MAPRE2: variants seen among roughly 807,000 people sequenced by gnomAD.
The protein encoded by MAPRE2 is microtubule-associated protein RP/EB family member 2.
A neutral mutation model predicts 43.2 loss-of-function variants in MAPRE2; 13 were observed. That is an observed-to-expected ratio of 0.30 (90% CI 0.20 to 0.48). The LOEUF (loss-of-function observed/expected upper bound fraction) is 0.48, where lower values mean the gene tolerates loss of function less well. MAPRE2 is among the 20% of genes least tolerant of loss of function. The probability of loss-of-function intolerance (pLI) is 0.99; values close to 1 mark genes in which losing one functional copy is unlikely to be tolerated. For synonymous variants in MAPRE2, 135 were observed against 148.8 expected (o/e 0.91, Z 0.68); for missense variants, 161 against 400.2 (o/e 0.40, Z 5.10).
At position 35,004,875 on chromosome 18, in the gene MAPRE2, G is replaced by A. The variant is rs148739910; in HGVS notation, c.-69-617G>A. On this transcript the variant is annotated intron_variant, in intron 1 of 7. Transcript: ENST00000413393. ...AGAGCCTGCAGTGAGCCGAGATCGC[G>A]CCACTGCACTCCAGCCTGGGCGACA... Among the ~76,000 whole-genome samples the A allele has an allele frequency of 3.8e-3, 569 of 148,952 alleles. 3 individuals are homozygous for A. Among genetic ancestry groups the A allele is most frequent in the African/African-American group, 0.014 (552 of 40,364 alleles).
At position 35,089,722 on chromosome 18, in the gene MAPRE2, A is replaced by T. The variant is rs1908052764; in HGVS notation, c.251-7724A>T. ...TAAAATAGTACACCTGCTTTGGAAA[A>T]CAGTGTGATAGTTTTTCAAATTGTT... On this transcript the variant is annotated intron_variant, in intron 2 of 6. Coordinates refer to ENST00000300249, the MANE Select transcript of MAPRE2 (RefSeq NM_014268.4). Among the ~76,000 whole-genome samples, 4 of 152,186 alleles carry T rather than the reference A, an allele frequency of 2.6e-5. No individual in the cohort carries two copies. In the South Asian group the frequency reaches 8.3e-4, roughly 32 times the overall value.
intron 2 of MAPRE2, among the ~76,000 whole-genome samples, chr18:35,090,668 G>T (rs1357448196): frequency 6.6e-6 from 1 of 151,004 alleles, no homozygotes; most frequent in East Asian, 1.9e-4. Flanking sequence ...GGAGGCAGAG[G>T]TTGCAGTGAG....
chr18:35,069,273 T>C lies in MAPRE2; in HGVS notation c.123-922T>C, dbSNP rs190530328. On this transcript the variant is annotated intron_variant, in intron 1 of 6. Coordinates refer to ENST00000300249, the MANE Select transcript of MAPRE2 (RefSeq NM_014268.4). Reference sequence around the variant, plus strand: ...TCAAAGAATCATAATGTATGAACCTTATATGAATCCAGATTCAAGCAATCT... The same window carrying C: ...TCAAAGAATCATAATGTATGAACCTCATATGAATCCAGATTCAAGCAATCT... 6.3e-3 allele frequency among the ~76,000 whole-genome samples: 967 copies of C among 152,322 alleles called. 8 individuals carry two copies. Among genetic ancestry groups the C allele is most frequent in the African/African-American group, 0.022 (931 of 41,576 alleles).
chr18:35,034,173 C>A (rs1444214169), intron 2 of MAPRE2, among the ~76,000 whole-genome samples: 1 of 151,770 alleles, frequency 6.6e-6, no homozygotes, highest in East Asian at 1.9e-4. Flanking sequence ...AGATATAGAT[C>A]AATGGAACAG....
chr18:35,053,168 T>C (rs1449508578), intron 1 of MAPRE2, among the ~76,000 whole-genome samples: 1 of 151,884 alleles, frequency 6.6e-6, no homozygotes. Context: ...CTGAGGTGGG[T>C]GGATCACTTG....
chr18:35,076,869 T>G (rs1907383216), intron 2 of MAPRE2, among the ~76,000 whole-genome samples: 1 of 152,188 alleles, frequency 6.6e-6, no homozygotes, highest in South Asian at 2.1e-4. Flanking sequence ...GATAACTGCT[T>G]GGGTCTCTAA....
At chr18:35,099,903 T>G (rs1382119255) in intron 3 of MAPRE2, among the ~76,000 whole-genome samples, 1 of 152,260 alleles carries the variant, frequency 6.6e-6, no homozygotes, top group Non-Finnish European at 1.5e-5. Flanking sequence ...AGTTGCTTTT[T>G]TCTTCCAAAT....
At chr18:35,130,418 G>T (rs1296433113) in intron 5 of MAPRE2, among the ~76,000 whole-genome samples, 8 of 152,150 alleles carry the variant, frequency 5.3e-5, no homozygotes, top group Non-Finnish European at 1.2e-4. Context: ...GCCACATGGG[G>T]GTGTCAGTGA....
chr18:35,069,388 T>TAA (rs11410396), intron 1 of MAPRE2, among the ~76,000 whole-genome samples: 2 of 146,868 alleles, frequency 1.4e-5, no homozygotes, highest in Non-Finnish European at 2.9e-5. Context: ...TCTGTTTTTT[T>TAA]TAAAAATTAT....
At chr18:34,998,378 G>C (rs2097027593) in intron 1 of MAPRE2, among the ~76,000 whole-genome samples, 1 of 145,244 alleles carries the variant, frequency 6.9e-6, no homozygotes, top group Non-Finnish European at 1.5e-5. Context: ...CCAGGCTGGA[G>C]TGCAGTGGCG....
At chr18:35,097,649 A>G in intron 3 of MAPRE2, 58 bp downstream of exon 3, 8 of 1,505,382 alleles carry the variant, frequency 5.3e-6, no homozygotes, top group East Asian at 2.3e-5. Context: ...GTTTTTGTGC[A>G]TAAATGCAAA....
chr18:35,123,257 T>C (rs1909768309), intron 4 of MAPRE2, among the ~76,000 whole-genome samples: 1 of 152,220 alleles, frequency 6.6e-6, no homozygotes, highest in African/African-American at 2.4e-5. Context: ...GTGGTAGCCC[T>C]TTATTGTAAG....
chr18:35,083,829 A>G (rs1194940702), intron 2 of MAPRE2, among the ~76,000 whole-genome samples: 2 of 152,234 alleles, frequency 1.3e-5, no homozygotes, highest in Non-Finnish European at 2.9e-5. Flanking sequence ...TCTAAAATTT[A>G]CTTTTTAATA....
rs116392275 is a variant in MAPRE2, at chr18:35,140,613, A to G, written c.*244A>G. On this transcript the variant is annotated 3_prime_UTR_variant, in exon 7 of 7. Transcript: ENST00000300249. ...AGGGTCACATACATCCAACTTCACC[A>G]CTTGGCTGCTTGAGATTGGTTCTGC... 3.6e-3 allele frequency: 1,705 copies of G among 474,562 alleles called. 20 individuals are homozygous for G. The highest frequency in any genetic ancestry group is 0.03 in the African/African-American group (1,561 of 52,048). 29.4% of individuals were successfully genotyped at this position (474,562 alleles called of 1,614,324 possible).
At chr18:35,134,703 G>A (rs913463563) in intron 6 of MAPRE2, among the ~76,000 whole-genome samples, 7 of 152,142 alleles carry the variant, frequency 4.6e-5, no homozygotes, top group East Asian at 3.9e-4. Context: ...AAATTTTTAC[G>A]TGGGTTTTCT....
intron 2 of MAPRE2, among the ~76,000 whole-genome samples, chr18:35,091,345 G>A (rs919109330): frequency 3.6e-4 from 55 of 152,098 alleles, no homozygotes; most frequent in Non-Finnish European, 6.0e-4. Flanking sequence ...AAGCATAAAC[G>A]ATTTTCATGT....
rs182289765 is a variant in MAPRE2, at chr18:35,135,290, G to A, written c.909+3100G>A. Among the ~76,000 whole-genome samples the A allele has an allele frequency of 1.5e-3, 221 of 152,256 alleles. 2 individuals are homozygous for A. Among genetic ancestry groups the A allele is most frequent in the African/African-American group, 4.7e-3 (195 of 41,548 alleles). On this transcript the variant is annotated intron_variant, in intron 6 of 6. Transcript: ENST00000300249. ...GTTTTTATGCAGAAAGAAAAGGAAG[G>A]CTGCAGTGGGCCTGGATGCCGTGCT...
At chr18:35,038,902 G>C (rs1021028223), upstream of MAPRE2, among the ~76,000 whole-genome samples, 15 of 152,216 alleles carry the variant, frequency 9.9e-5, no homozygotes, top group African/African-American at 3.6e-4. Context: ...GAAGATTTAC[G>C]CGGCCCTTGG....
At chr18:35,014,508 A>G (rs995509944) in intron 2 of MAPRE2, among the ~76,000 whole-genome samples, 6 of 151,932 alleles carry the variant, frequency 3.9e-5, no homozygotes, top group Admixed American at 2.0e-4. Context: ...CATGAGGGTG[A>G]CACATTTATT....
Sources: allele counts gnomAD v4.1 joint callset (sites outside exome capture counted in the v4.1 genomes callset), GRCh38; gene constraint gnomAD v4.1.1; transcripts MANE v1.5; gene names NCBI Gene and HGNC (gene_info 2026-07-23, HGNC 2026-07-21).